RAB4A: variants seen among roughly 807,000 people sequenced by gnomAD.
RAB4A encodes the protein RAB4A, member RAS oncogene family.
In RAB4A, 20 loss-of-function variants were observed where a neutral mutation model predicts 34.5. That is an observed-to-expected ratio of 0.58 (90% CI 0.41 to 0.84). The LOEUF (loss-of-function observed/expected upper bound fraction) is 0.84. Ranked by LOEUF, RAB4A falls within the 40% of genes least tolerant of loss-of-function variation. The pLI, the probability that RAB4A is intolerant of heterozygous loss-of-function variation, is 0.00. For synonymous variants in RAB4A, 102 were observed against 100.0 expected (o/e 1.02, Z -0.12); for missense variants, 228 against 274.5 (o/e 0.83, Z 1.20).
rs1657239852 is a variant in RAB4A, at chr1:229,295,885, G to T, written c.265G>T (p.Ala89Ser). ...AAGTTATTACCGAGGCGCGGCCGGG[G>T]CTCTCCTCGTCTATGATATCACCAG... is the stretch of plus-strand genomic sequence containing the variant. Reference protein sequence around the residue: ...TRSYYRGAAGALLVYDITSRE... With the variant: ...TRSYYRGAAGSLLVYDITSRE... The change falls in exon 4 of 8, where the codon GCT becomes TCT. Residue 89 changes from alanine (A) to serine (S), a missense_variant. Physicochemically the swap from Ala to Ser is moderately conservative, Grantham distance 99 (BLOSUM62 1). Coordinates refer to ENST00000366690, the MANE Select transcript of RAB4A (RefSeq NM_004578.4). 3 of 1,614,060 alleles carry T rather than the reference G, an allele frequency of 1.9e-6. No homozygotes were observed. Among genetic ancestry groups the T allele is most frequent in the Non-Finnish European group, 2.5e-6 (3 of 1,180,002 alleles).
intron 3 of RAB4A, among the ~76,000 whole-genome samples, chr1:229,291,295 A>T (rs550172157): frequency 2.0e-5 from 3 of 152,332 alleles, no homozygotes; most frequent in Admixed American, 1.3e-4. Context: ...ACTTTCTTAG[A>T]AAGTTTAGGA....
At chr1:229,300,145 C>T (rs12048819) in intron 6 of RAB4A, among the ~76,000 whole-genome samples, 59,526 of 152,022 alleles carry the variant, frequency 0.39, 11,970 homozygotes, top group Admixed American at 0.45. Context: ...CCTCTGGAGA[C>T]GCTGAACTAA....
chr1:229,278,256 A>G (rs1274115311), intron 1 of RAB4A, among the ~76,000 whole-genome samples: 3 of 152,032 alleles, frequency 2.0e-5, no homozygotes, highest in Non-Finnish European at 2.9e-5. Context: ...TTTCAACTAC[A>G]CACACTTTGC....
chr1:229,280,426 G>A (rs1241940023), intron 1 of RAB4A, among the ~76,000 whole-genome samples: 2 of 152,074 alleles, frequency 1.3e-5, no homozygotes, highest in Non-Finnish European at 2.9e-5. Context: ...AAGAATTGAT[G>A]GACAGCTCAG....
rs535743948 is a variant in RAB4A, at chr1:229,300,408, A to ATT, written c.541+1337_541+1338dup. ...GAGTAATCCTAGTAAGAGATGACTGATTAATGCTTTAACAAGGATATGGAA... is the reference window on the plus strand; with the variant it reads ...GAGTAATCCTAGTAAGAGATGACTGATTTTAATGCTTTAACAAGGATATGGAA... On this transcript the variant is annotated intron_variant, in intron 6 of 7. Transcript: ENST00000366690. 2.6e-4 allele frequency among the ~76,000 whole-genome samples: 39 copies of ATT among 152,378 alleles called. No individual in the cohort carries two copies. The East Asian group carries it at 6.5e-3, about 26-fold the overall frequency.
chr1:229,284,094 G>GTTTTTTTTTTTTTTTTT (rs773213321), intron 1 of RAB4A, among the ~76,000 whole-genome samples: 2 of 45,904 alleles, frequency 4.4e-5, no homozygotes, highest in African/African-American at 2.0e-4. Flanking sequence ...GTGTTGTTTG[G>GTTTTTTTTTTTTTTTTT]TTTTTTTTTT....
chr1:229,301,518 T>C (rs1657385699), intron 6 of RAB4A, among the ~76,000 whole-genome samples: 1 of 152,332 alleles, frequency 6.6e-6, no homozygotes. Context: ...TGAGTATTAT[T>C]AAGCTCAGCA....
chr1:229,273,571 C>T (rs974114177), intron 1 of RAB4A, among the ~76,000 whole-genome samples: 2 of 152,112 alleles, frequency 1.3e-5, no homozygotes, highest in Non-Finnish European at 2.9e-5. Context: ...GAAACCCCAG[C>T]CCTATTAAAA....
At chr1:229,296,923 C>T (rs1558240512) in intron 4 of RAB4A, among the ~76,000 whole-genome samples, 1 of 152,308 alleles carries the variant, frequency 6.6e-6, no homozygotes, top group East Asian at 1.9e-4. Flanking sequence ...GAGAGTTGGT[C>T]CTGGAGTCAG....
Position 229,302,294 on chromosome 1 carries a change from TATA to T in RAB4A, c.542-567_542-565del, listed in dbSNP as rs1558242390. On this transcript the variant is annotated intron_variant, in intron 6 of 7. Coordinates refer to ENST00000366690, the MANE Select transcript of RAB4A (RefSeq NM_004578.4). ...ATATATATATATATATATATATATA[TATA>T]TATATATATATATTTTTTTTTTTTT... Among the ~76,000 whole-genome samples the T allele has an allele frequency of 4.1e-4, 11 of 26,572 alleles. 1 individual carries two copies. Among genetic ancestry groups the T allele is most frequent in the African/African-American group, 1.0e-3 (5 of 4,956 alleles). The allele number at this position is 26,572 out of a possible 152,430, so 17.4% of individuals were successfully genotyped here. A position where few individuals can be genotyped will look rare whatever the true frequency, so the allele number is the denominator to read the frequency against.
chr1:229,305,082 T>A lies in RAB4A; in HGVS notation c.*1289T>A, dbSNP rs1186833658. ...TTTTAGTTAGAAGATGCCTACTGCT[T>A]TTGTTGTTTATTTTAATCAGCAGAG... On this transcript the variant is annotated 3_prime_UTR_variant, in exon 8 of 8. Coordinates refer to ENST00000366690, the MANE Select transcript of RAB4A (RefSeq NM_004578.4). The A allele has an allele frequency of 6.8e-7, 1 of 1,471,926 alleles. No individual in the cohort carries two copies. Among genetic ancestry groups the A allele is most frequent in the Non-Finnish European group, 9.0e-7 (1 of 1,111,914 alleles). 91.2% of individuals were successfully genotyped at this position (1,471,926 alleles called of 1,614,324 possible).
Position 229,282,346 on chromosome 1 carries a change from C to T in RAB4A, c.32-4140C>T, listed in dbSNP as rs192646124. On this transcript the variant is annotated intron_variant, in intron 1 of 7. Coordinates refer to ENST00000366690, the MANE Select transcript of RAB4A (RefSeq NM_004578.4). Reference sequence around the variant, plus strand: ...CTTGTAGATATGGTATCATTTTTCTCTGGCTACCTTTAAGACTTTTTATTT... The same window carrying T: ...CTTGTAGATATGGTATCATTTTTCTTTGGCTACCTTTAAGACTTTTTATTT... 8.5e-5 allele frequency among the ~76,000 whole-genome samples: 13 copies of T among 152,264 alleles called. No individual in the cohort carries two copies. The East Asian group carries it at 2.3e-3, about 27-fold the overall frequency.
Position 229,302,898 on chromosome 1 carries a change from A to T in RAB4A, c.578A>T (p.Gln193Leu). The T allele has an allele frequency of 6.2e-7, 1 of 1,613,910 alleles. No homozygotes were observed. The highest frequency in any genetic ancestry group is 8.5e-7 in the Non-Finnish European group (1 of 1,179,914). ...LDPERMGSGI[Q>L]YGDAALRQLR... ...CCAGAAAGAATGGGCTCAGGTATTC[A>T]GTACGGAGATGCTGCCTTGAGACAG... The change falls in exon 7 of 8, where the codon CAG becomes CTG. Residue 193 changes from glutamine (Q) to leucine (L), a missense_variant. Physicochemically the swap from Gln to Leu is moderately radical, Grantham distance 113. Coordinates refer to ENST00000366690, the MANE Select transcript of RAB4A (RefSeq NM_004578.4).
chr1:229,298,911 C>A, intron 5 of RAB4A, 66 bp from the exon 6 acceptor site: 1 of 1,175,978 alleles, frequency 8.5e-7, no homozygotes, highest in Non-Finnish European at 1.3e-6. Flanking sequence ...GCTACACAGG[C>A]TTTTGTAAGT....
At position 229,305,170 on chromosome 1, in the gene RAB4A, T is replaced by C; in HGVS notation, c.*1377T>C. ...TAAAAATATCAGTATGTATCTGTTT[T>C]AGATATTTTGAGTTTTGCTTTTTTT... On this transcript the variant is annotated 3_prime_UTR_variant, in exon 8 of 8. Transcript: ENST00000366690. 1 of 1,605,916 alleles carries C rather than the reference T, an allele frequency of 6.2e-7. No homozygotes were observed. Among genetic ancestry groups the C allele is most frequent in the Admixed American group, 1.7e-5 (1 of 58,606 alleles).
At chr1:229,286,622 C>T in intron 2 of RAB4A, 56 bp downstream of exon 2, 1 of 1,127,554 alleles carries the variant, frequency 8.9e-7, no homozygotes, top group Non-Finnish European at 1.3e-6. Context: ...AGCCCTCTCA[C>T]TCAGATTTGT....
At chr1:229,286,248 C>G in intron 1 of RAB4A, among the ~76,000 whole-genome samples, 1 of 152,174 alleles carries the variant, frequency 6.6e-6, no homozygotes, top group South Asian at 2.1e-4. Context: ...AGACTTTAAC[C>G]TTGCAAAGTA....
In RAB4A at chr1:229,302,965, G is replaced by A. The variant is rs1177500173; in HGVS notation, c.645G>A (p.Glu215=). ...PRRAQAPNAQ[E]CGC ...GCGCACAGGCCCCGAACGCTCAGGAGTGTGGTTGTTAGGAGAGCACACAGG... is the reference window on the plus strand; with the variant it reads ...GCGCACAGGCCCCGAACGCTCAGGAATGTGGTTGTTAGGAGAGCACACAGG... The change falls in exon 7 of 8, where the codon GAG becomes GAA. Residue 215 remains glutamate, a synonymous_variant. Coordinates refer to ENST00000366690, the MANE Select transcript of RAB4A (RefSeq NM_004578.4). 2 of 1,613,668 alleles carry A rather than the reference G, an allele frequency of 1.2e-6. No individual in the cohort carries two copies. Among genetic ancestry groups the A allele is most frequent in the Non-Finnish European group, 1.7e-6 (2 of 1,179,800 alleles).
chr1:229,288,233 A>G (rs1010576528), intron 2 of RAB4A, among the ~76,000 whole-genome samples: 1 of 151,438 alleles, frequency 6.6e-6, no homozygotes, highest in African/African-American at 2.4e-5. Flanking sequence ...CTTTGGTTCA[A>G]TTTTTTTCCT....
Sources: gnomAD v4.1 joint callset for allele counts (sites outside exome capture counted in the v4.1 genomes callset) on GRCh38, gnomAD v4.1.1 for gene constraint, MANE v1.5 for transcripts, NCBI Gene and HGNC (gene_info 2026-07-23, HGNC 2026-07-21) for gene names.